The following DGKH variants were observed in gnomAD, a reference collection of about 807,000 sequenced individuals.
DGKH encodes the protein DAG kinase eta.
In DGKH, 90 loss-of-function variants were observed where a neutral mutation model predicts 159.3. The observed-to-expected ratio is 0.57, with a 90% CI of 0.48 to 0.67. DGKH has a LOEUF of 0.67. Ranked by LOEUF, DGKH falls within the 30% of genes least tolerant of loss-of-function variation. The pLI, the probability that DGKH is intolerant of heterozygous loss-of-function variation, is 0.00. For missense variants in DGKH, 1,181 were observed against 1,506.1 expected, an observed-to-expected ratio of 0.78 and a Z score of 3.57; for synonymous variants, 536 against 553.8, an observed-to-expected ratio of 0.97 and a Z score of 0.45.
intron 5 of DGKH, among the ~76,000 whole-genome samples, chr13:42,156,291 G>A (rs1956042833): frequency 6.6e-6 from 1 of 152,112 alleles, no homozygotes; most frequent in Non-Finnish European, 1.5e-5. Flanking sequence ...CACCCATCCT[G>A]GAATGCAGTG....
At chr13:42,100,475 T>C (rs576021424) in intron 1 of DGKH, among the ~76,000 whole-genome samples, 126 of 152,068 alleles carry the variant, frequency 8.3e-4, no homozygotes, top group Middle Eastern at 3.4e-3. Context: ...ATGGAAAAAC[T>C]GTCTTTCACG....
intron 3 of DGKH, among the ~76,000 whole-genome samples, chr13:42,150,323 ACG>A (rs1246423208): frequency 1.3e-5 from 2 of 152,190 alleles, no homozygotes; most frequent in African/African-American, 2.4e-5. Context: ...TCCATGGACT[ACG>A]TGGAGGAGCC....
chr13:42,231,784 A>G lies in DGKH; in HGVS notation c.*2596A>G, dbSNP rs966942268. The stretch of plus-strand genomic sequence containing the variant: ...GTGACATCTTTTGTATATGCTGTAA[A>G]GTCTCAGTTAATGGAATCCTACAGT... On this transcript the variant is annotated 3_prime_UTR_variant, in exon 30 of 30. Coordinates refer to ENST00000337343, the MANE Select transcript of DGKH (RefSeq NM_178009.5). The G allele has an allele frequency of 1.2e-4, 18 of 152,162 alleles. No individual in the cohort carries two copies. Among genetic ancestry groups the G allele is most frequent in the African/African-American group, 3.9e-4 (16 of 41,424 alleles). 9.4% of individuals were successfully genotyped at this position (152,162 alleles called of 1,614,324 possible). A position where few individuals can be genotyped will look rare whatever the true frequency, so the allele number is the denominator to read the frequency against.
chr13:42,215,233 C>A (rs954063251), intron 25 of DGKH, among the ~76,000 whole-genome samples: 5 of 151,090 alleles, frequency 3.3e-5, no homozygotes, highest in Non-Finnish European at 5.9e-5. Context: ...AGATAATAGT[C>A]TAAAAAGCAA....
At chr13:42,199,770 T>C (rs1566184254) in intron 19 of DGKH, 43 bp from the exon 20 acceptor site, 2 of 1,581,384 alleles carry the variant, frequency 1.3e-6, no homozygotes, top group Non-Finnish European at 1.7e-6. Context: ...AAGGAGTAAA[T>C]AAATAAAATT....
chr13:42,162,824 G>A (rs1222938428), intron 7 of DGKH, among the ~76,000 whole-genome samples: 1 of 145,022 alleles, frequency 6.9e-6, no homozygotes. Context: ...ACAAAAACAT[G>A]AGTTTCTTTT....
chr13:42,215,625 G>A lies in DGKH; in HGVS notation c.3171G>A (p.Leu1057=). 1.2e-6 allele frequency: 2 copies of A among 1,611,750 alleles called. No homozygotes were observed. The highest frequency in any genetic ancestry group is 2.2e-5 in the South Asian group (2 of 90,660). Residue 1057 remains leucine, a synonymous_variant, in exon 26 of 30, where the codon CTG becomes CTA. Coordinates refer to ENST00000337343, the MANE Select transcript of DGKH (RefSeq NM_178009.5). ...ATEIAINVKA[L]YNETESLLVG... is the part of the protein sequence containing the mutation. ...AAATAGCCATCAATGTGAAGGCGCT[G>A]TATAATGAAACAGAATCTTTGCTAG...
At chr13:42,065,838 A>G (rs1323337796) in intron 1 of DGKH, among the ~76,000 whole-genome samples, 2 of 152,188 alleles carry the variant, frequency 1.3e-5, no homozygotes, top group Non-Finnish European at 2.9e-5. Flanking sequence ...AAGCTTGGGG[A>G]GCTTGATGTA....
intron 3 of DGKH, among the ~76,000 whole-genome samples, chr13:42,131,820 A>G (rs768061880): frequency 9.2e-5 from 14 of 152,254 alleles, no homozygotes; most frequent in South Asian, 2.1e-4. Context: ...TAACTCATCC[A>G]TCTCCCTGCT....
chr13:42,072,094 A>G (rs1276573467), intron 1 of DGKH, among the ~76,000 whole-genome samples: 1 of 152,204 alleles, frequency 6.6e-6, no homozygotes. Flanking sequence ...TTAATGTTTG[A>G]ATTAGAAGAA....
At chr13:42,196,375 A>C (rs1957203986) in intron 17 of DGKH, among the ~76,000 whole-genome samples, 1 of 152,226 alleles carries the variant, frequency 6.6e-6, no homozygotes, top group South Asian at 2.1e-4. Flanking sequence ...CATTCACAAT[A>C]GCCCCAAAGT....
chr13:42,117,883 G>GA lies in DGKH; in HGVS notation c.193-9576dup, dbSNP rs530100315. 1.5e-4 allele frequency among the ~76,000 whole-genome samples: 23 copies of GA among 152,198 alleles called. No homozygotes were observed. The South Asian group carries it at 4.8e-3, about 32-fold the overall frequency. ...GCGTTGTGTCCATTTTCATACACGT[G>GA]AAAAGAAACAGCCTGAAATCTGCTG... On this transcript the variant is annotated intron_variant, in intron 1 of 29. Transcript: ENST00000337343.
intron 20 of DGKH, among the ~76,000 whole-genome samples, chr13:42,204,649 C>T (rs1482634147): frequency 1.3e-5 from 2 of 152,206 alleles, no homozygotes; most frequent in South Asian, 2.1e-4. Flanking sequence ...TCTTATTCTT[C>T]CCCATTCTCA....
At chr13:42,087,825 AAG>A (rs1292969491) in intron 1 of DGKH, among the ~76,000 whole-genome samples, 3 of 150,284 alleles carry the variant, frequency 2.0e-5, no homozygotes, top group African/African-American at 7.4e-5. Context: ...CCAGTAGGAG[AAG>A]AGAGAGAGAC....
At chr13:42,091,686 A>T (rs955286008) in intron 1 of DGKH, among the ~76,000 whole-genome samples, 1 of 152,210 alleles carries the variant, frequency 6.6e-6, no homozygotes, top group African/African-American at 2.4e-5. Context: ...CTGACAAGGG[A>T]TTAATAACCA....
intron 29 of DGKH, 61 bp from the exon 30 acceptor site, chr13:42,229,038 C>A (rs1168967770): frequency 7.1e-7 from 1 of 1,418,320 alleles, no homozygotes; most frequent in South Asian, 1.3e-5. Context: ...TTAAAATTTT[C>A]TTTCTGTGTT....
At chr13:42,070,796 C>G in intron 1 of DGKH, 18 of 1,498,062 alleles carry the variant, frequency 1.2e-5, no homozygotes, top group Non-Finnish European at 1.6e-5. Flanking sequence ...CTGTTTAGTT[C>G]CGTAAGAGAG....
At chr13:42,150,895 T>C (rs1375912370) in intron 3 of DGKH, among the ~76,000 whole-genome samples, 1 of 152,038 alleles carries the variant, frequency 6.6e-6, no homozygotes, top group Non-Finnish European at 1.5e-5. Flanking sequence ...TCATATGAGA[T>C]GATCCTGGAT....
intron 20 of DGKH, 65 bp downstream of exon 20, chr13:42,199,974 C>A: frequency 2.2e-6 from 3 of 1,338,352 alleles, no homozygotes; most frequent in Non-Finnish European, 3.0e-6. Context: ...CGTTTTGGAG[C>A]TAATTTGACC....
Sources: gnomAD v4.1 joint callset for allele counts (sites outside exome capture counted in the v4.1 genomes callset) on GRCh38, gnomAD v4.1.1 for gene constraint, MANE v1.5 for transcripts, NCBI Gene and HGNC (gene_info 2026-07-23, HGNC 2026-07-21) for gene names.